TESK2: variants seen among roughly 807,000 people sequenced by gnomAD.
TESK2 encodes the protein testis associated actin remodelling kinase 2, also known as dual specificity testis-specific protein kinase 2.
TESK2 carries 39 observed loss-of-function variants against 57.1 expected under a neutral mutation model. The ratio of observed to expected loss-of-function variants is 0.68; its 90% CI spans 0.53 to 0.89. The LOEUF is 0.89. Ranked by LOEUF, TESK2 falls within the 40% of genes least tolerant of loss-of-function variation. The pLI is 0.00. For synonymous variants in TESK2, 249 were observed against 267.9 expected (o/e 0.93, Z 0.69); for missense variants, 646 against 732.1 (o/e 0.88, Z 1.36).
chr1:45,457,775 C>T lies in TESK2; in HGVS notation c.11G>A (p.Ser4Asn), dbSNP rs754221754. The change falls in exon 2 of 11, where the codon AGC becomes AAC. Residue 4 changes from serine (S) to asparagine (N), a missense_variant. Ser to Asn is a conservative substitution (Grantham distance 46). Transcript: ENST00000372086. ...AAATCCTGCAATTGAATTCCGTTTG[C>T]TCCGATCCATAGTCTAAATAATCAC... MDRSKRNSIAGFPP... is the reference protein window; with the variant it reads MDRNKRNSIAGFPP... 1.2e-6 allele frequency: 2 copies of T among 1,613,956 alleles called. No homozygotes were observed. Among genetic ancestry groups the T allele is most frequent in the South Asian group, 2.2e-5 (2 of 91,070 alleles).
intron 1 of TESK2, among the ~76,000 whole-genome samples, chr1:45,479,983 C>T (rs1276975301): frequency 6.6e-6 from 1 of 151,634 alleles, no homozygotes; most frequent in Non-Finnish European, 1.5e-5. Context: ...CCACCACACC[C>T]GGCTAATTTT....
rs902721099 is a variant in TESK2, at chr1:45,418,767, G to GCTTTCTAT, written c.344+2950_344+2957dup. On this transcript the variant is annotated intron_variant, in intron 3 of 10. Transcript: ENST00000372086. ...AAAAGCTTTGCATTTTTATATCTGT[G>GCTTTCTAT]CTTTCTATATCACTATTTGCTCTGA... Among the ~76,000 whole-genome samples the GCTTTCTAT allele has an allele frequency of 6.6e-4, 101 of 152,102 alleles. 1 individual carries two copies. Among genetic ancestry groups the GCTTTCTAT allele is most frequent in the African/African-American group, 2.3e-3 (96 of 41,472 alleles).
chr1:45,476,804 G>A (rs1451619373), intron 1 of TESK2, among the ~76,000 whole-genome samples: 2 of 151,486 alleles, frequency 1.3e-5, no homozygotes, highest in East Asian at 1.9e-4. Context: ...CCGAGATCAC[G>A]CCACTGCACT....
At chr1:45,394,678 TC>T (rs1450194903) in intron 3 of TESK2, among the ~76,000 whole-genome samples, 2 of 108,620 alleles carry the variant, frequency 1.8e-5, no homozygotes, top group African/African-American at 6.8e-5. Context: ...AACAGGAAAC[TC>T]TTTTTTTTTT....
At chr1:45,407,295 T>C (rs1649886645) in intron 3 of TESK2, among the ~76,000 whole-genome samples, 1 of 152,092 alleles carries the variant, frequency 6.6e-6, no homozygotes, top group Non-Finnish European at 1.5e-5. Context: ...TCCCACTATG[T>C]TGCCCAGGCT....
rs1285545906 is a variant in TESK2, at chr1:45,395,055, T to C, written c.345-9095A>G. On this transcript the variant is annotated intron_variant, in intron 3 of 10. Transcript: ENST00000372086. ...GACTTTGTCTAGAGACTAGAGTCTT[T>C]TCTATAGCATGATTTACCATTCCCC... Among the ~76,000 whole-genome samples the C allele has an allele frequency of 3.3e-5, 5 of 152,156 alleles. No homozygotes were observed. The South Asian group carries it at 6.2e-4, about 19-fold the overall frequency.
intron 4 of TESK2, among the ~76,000 whole-genome samples, chr1:45,363,911 T>C (rs1481742279): frequency 6.6e-6 from 1 of 152,144 alleles, no homozygotes. Flanking sequence ...GGAATAATAA[T>C]AGTGCCTAAC....
chr1:45,390,165 T>C (rs1649076592), intron 3 of TESK2, among the ~76,000 whole-genome samples: 1 of 152,110 alleles, frequency 6.6e-6, no homozygotes, highest in Non-Finnish European at 1.5e-5. Context: ...GCACAGTGGC[T>C]CACACCTGGA....
intron 1 of TESK2, among the ~76,000 whole-genome samples, chr1:45,477,091 C>T (rs1653029492): frequency 6.9e-6 from 1 of 144,618 alleles, no homozygotes. Flanking sequence ...TAGCCAGGCG[C>T]GGTGGCACAT....
At chr1:45,349,784 G>C (rs1213750557) in intron 5 of TESK2, among the ~76,000 whole-genome samples, 1 of 152,230 alleles carries the variant, frequency 6.6e-6, no homozygotes, top group Non-Finnish European at 1.5e-5. Context: ...CCCAGAAGGA[G>C]CTTGGCAAAA....
chr1:45,362,016 T>G (rs1647710041), intron 4 of TESK2, among the ~76,000 whole-genome samples: 1 of 152,172 alleles, frequency 6.6e-6, no homozygotes, highest in Non-Finnish European at 1.5e-5. Context: ...TTTACCACGA[T>G]AGAGAATGTG....
At chr1:45,385,631 G>A (rs571805100) in intron 4 of TESK2, among the ~76,000 whole-genome samples, 2 of 151,540 alleles carry the variant, frequency 1.3e-5, no homozygotes, top group African/African-American at 4.8e-5. Flanking sequence ...CAAGTATTAT[G>A]AGGGAATAGA....
chr1:45,441,284 C>G (rs1208773727), intron 2 of TESK2, among the ~76,000 whole-genome samples: 1 of 152,146 alleles, frequency 6.6e-6, no homozygotes, highest in Non-Finnish European at 1.5e-5. Context: ...AATTCTCCTG[C>G]CTCAGCATCC....
chr1:45,399,613 C>A (rs1254855676), intron 3 of TESK2, among the ~76,000 whole-genome samples: 8 of 152,058 alleles, frequency 5.3e-5, no homozygotes, highest in African/African-American at 1.9e-4. Context: ...CTGCACCAGG[C>A]CTAATTTTTG....
At chr1:45,345,630 T>A in intron 10 of TESK2, 72 bp from the exon 11 acceptor site, 2 of 1,384,996 alleles carry the variant, frequency 1.4e-6, no homozygotes, top group Non-Finnish European at 2.0e-6. Context: ...CCACAGAATG[T>A]TTTCACTCAT....
chr1:45,388,972 A>G (rs1649025749), intron 3 of TESK2, among the ~76,000 whole-genome samples: 1 of 152,096 alleles, frequency 6.6e-6, no homozygotes, highest in African/African-American at 2.4e-5. Context: ...TGCCCGTCTC[A>G]GCCTCCCAAA....
chr1:45,434,001 G>T (rs544745904), intron 2 of TESK2, among the ~76,000 whole-genome samples: 62 of 151,882 alleles, frequency 4.1e-4, no homozygotes, highest in Non-Finnish European at 8.4e-4. Context: ...TGTTGTTATT[G>T]TTGTTGTTTT....
At position 45,343,888 on chromosome 1, in the gene TESK2, G is replaced by A. The variant is rs1647098448; in HGVS notation, c.*952C>T. On this transcript the variant is annotated 3_prime_UTR_variant, in exon 11 of 11. Coordinates refer to ENST00000372086, the MANE Select transcript of TESK2 (RefSeq NM_007170.3). The surrounding 1 kb of genome is among the most constrained non-coding windows in gnomAD (Gnocchi z 4.3). ...CAAGTAAGAAGGCTGACCAGCACCT[G>A]TAACACTGACTTTATTTTTAAGTCT... The A allele has an allele frequency of 2.4e-5, 13 of 540,644 alleles. No homozygotes were observed. Among genetic ancestry groups the A allele is most frequent in the Middle Eastern group, 8.7e-4 (2 of 2,298 alleles). 33.5% of individuals were successfully genotyped at this position (540,644 alleles called of 1,614,324 possible). A position where few individuals can be genotyped will look rare whatever the true frequency, so the allele number is the denominator to read the frequency against.
intron 5 of TESK2, among the ~76,000 whole-genome samples, chr1:45,352,315 T>C (rs1399228531): frequency 1.3e-5 from 2 of 152,250 alleles, no homozygotes; most frequent in African/African-American, 2.4e-5. Flanking sequence ...ATTTCTCCTA[T>C]GTTCCTAGTT....
Sources: gnomAD v4.1 joint callset for allele counts (sites outside exome capture counted in the v4.1 genomes callset) on GRCh38, gnomAD v4.1.1 for gene constraint, Gnocchi (gnomAD v3.1) non-coding constraint, MANE v1.5 for transcripts, NCBI Gene and HGNC (gene_info 2026-07-23, HGNC 2026-07-21) for gene names.